FNDC3B: variants seen among roughly 807,000 people sequenced by gnomAD.
FNDC3B encodes fibronectin type III domain containing 3B, also known as fibronectin type III domain-containing protein 3B.
A neutral mutation model predicts 151.5 loss-of-function variants in FNDC3B; 12 were observed. That is an observed-to-expected ratio of 0.08 (90% CI 0.05 to 0.13). The LOEUF (loss-of-function observed/expected upper bound fraction) is 0.13, where lower values mean the gene tolerates loss of function less well. FNDC3B is among the 10% of genes least tolerant of loss of function. The pLI is 1.00. For missense variants in FNDC3B, 1,214 were observed against 1,505.3 expected, an observed-to-expected ratio of 0.81 and a Z score of 3.20; for synonymous variants, 528 against 549.0, an observed-to-expected ratio of 0.96 and a Z score of 0.54.
rs181970012 is a variant in FNDC3B, at chr3:172,272,033, G to A, written c.791-13893G>A. On this transcript the variant is annotated intron_variant, in intron 6 of 25. Transcript: ENST00000415807. ...TACTGTTACTAGGGTCTAGATCACC[G>A]TTGGGCTTAAGCAGAGATGGGTAAT... Among the ~76,000 whole-genome samples, 139 of 152,316 alleles carry A rather than the reference G, an allele frequency of 9.1e-4. 1 individual carries two copies. Among genetic ancestry groups the A allele is most frequent in the Admixed American group, 1.8e-3 (27 of 15,302 alleles).
intron 25 of FNDC3B, among the ~76,000 whole-genome samples, chr3:172,388,444 A>G (rs1283272899): frequency 6.6e-6 from 1 of 152,214 alleles, no homozygotes; most frequent in Non-Finnish European, 1.5e-5. Context: ...TTATTACAAT[A>G]TTATGATTGG....
At chr3:172,133,335 C>T (rs2108573346) in intron 2 of FNDC3B, 136 bp from the exon 3 acceptor site, 2 of 673,222 alleles carry the variant, frequency 3.0e-6, no homozygotes, top group East Asian at 5.5e-5. Context: ...CCAATTAAGA[C>T]TTATACTCCA....
chr3:172,179,272 G>T (rs1039580932), intron 3 of FNDC3B, among the ~76,000 whole-genome samples: 11 of 152,034 alleles, frequency 7.2e-5, no homozygotes, highest in Non-Finnish European at 1.5e-5. Flanking sequence ...ATGTTGGCCA[G>T]GCTGGTCTCG....
chr3:172,045,359 G>T (rs1308032053), intron 1 of FNDC3B, among the ~76,000 whole-genome samples: 1 of 152,192 alleles, frequency 6.6e-6, no homozygotes, highest in Non-Finnish European at 1.5e-5. Flanking sequence ...AAGCTGGTCT[G>T]TAGCTGGGCT....
At chr3:172,389,141 A>G (rs1419784285) in intron 25 of FNDC3B, among the ~76,000 whole-genome samples, 1 of 152,222 alleles carries the variant, frequency 6.6e-6, no homozygotes, top group Admixed American at 6.5e-5. Context: ...CCATCAGTTT[A>G]TAGTTAATAA....
rs899685419 is a variant in FNDC3B at position 172,163,768 on chromosome 3, A to G, written c.187+30222A>G. Among the ~76,000 whole-genome samples the G allele has an allele frequency of 6.6e-5, 10 of 152,192 alleles. No homozygotes were observed. In the East Asian group the frequency reaches 1.7e-3, roughly 26 times the overall value. Reference sequence around the variant, plus strand: ...TATTATGAGCAGGGCTGCTATGAATATTCTTGTGGATATTTCAGGTCTGTA... The same window carrying G: ...TATTATGAGCAGGGCTGCTATGAATGTTCTTGTGGATATTTCAGGTCTGTA... On this transcript the variant is annotated intron_variant, in intron 3 of 25. Transcript: ENST00000415807.
chr3:172,250,504 A>G (rs9850203), intron 5 of FNDC3B, among the ~76,000 whole-genome samples: 3 of 152,354 alleles, frequency 2.0e-5, no homozygotes, highest in South Asian at 2.1e-4. Context: ...TAGAAATACT[A>G]TTCTGTCTAC....
At chr3:172,386,992 T>A (rs1367117982) in intron 25 of FNDC3B, among the ~76,000 whole-genome samples, 1 of 152,144 alleles carries the variant, frequency 6.6e-6, no homozygotes, top group African/African-American at 2.4e-5. Flanking sequence ...AGTCTCGCTC[T>A]GTCGCCCAGG....
At chr3:172,061,294 G>A (rs1370690864) in intron 1 of FNDC3B, among the ~76,000 whole-genome samples, 2 of 149,672 alleles carry the variant, frequency 1.3e-5, no homozygotes, top group African/African-American at 4.9e-5. Flanking sequence ...GTGCAGTGGC[G>A]TGATCTCGGT....
At chr3:172,147,275 C>T (rs1007792822) in intron 3 of FNDC3B, among the ~76,000 whole-genome samples, 10 of 147,976 alleles carry the variant, frequency 6.8e-5, no homozygotes, top group African/African-American at 2.3e-4. Flanking sequence ...ACATTGTACT[C>T]GAGCCTGGCG....
chr3:172,183,249 G>A (rs887918621), intron 3 of FNDC3B, among the ~76,000 whole-genome samples: 5 of 152,128 alleles, frequency 3.3e-5, no homozygotes, highest in Non-Finnish European at 5.9e-5. Context: ...ATAATTTCCA[G>A]TAAAGTAGGA....
intron 1 of FNDC3B, among the ~76,000 whole-genome samples, chr3:172,080,536 C>A (rs1324750637): frequency 6.6e-6 from 1 of 151,966 alleles, no homozygotes; most frequent in African/African-American, 2.4e-5. Context: ...CCTCAGCCTC[C>A]CAAAGTGTTG....
At position 172,398,357 on chromosome 3, in the gene FNDC3B, A is replaced by G. The variant is rs1576979188; in HGVS notation, c.*882A>G. 1 of 152,664 alleles carries G rather than the reference A, an allele frequency of 6.6e-6. No individual in the cohort carries two copies. The highest frequency in any genetic ancestry group is 1.9e-4 in the East Asian group (1 of 5,206). 9.5% of individuals were successfully genotyped at this position (152,664 alleles called of 1,614,324 possible). ...GAATTATATGACAAGAACTGGTGAC[A>G]GTTTAGTGCCTCTGCCCATTGTCCA... On this transcript the variant is annotated 3_prime_UTR_variant, in exon 26 of 26. Transcript: ENST00000415807.
intron 3 of FNDC3B, among the ~76,000 whole-genome samples, chr3:172,198,159 TG>T (rs1179431496): frequency 6.6e-6 from 1 of 152,214 alleles, no homozygotes; most frequent in African/African-American, 2.4e-5. Context: ...TTCAAAGAGA[TG>T]TTTCATATTC....
At position 172,110,955 on chromosome 3, in the gene FNDC3B, C is replaced by T. The variant is rs185087506; in HGVS notation, c.-28-1497C>T. 6.7e-4 allele frequency among the ~76,000 whole-genome samples: 102 copies of T among 151,968 alleles called. No individual in the cohort carries two copies. The East Asian group carries it at 0.017, about 25-fold the overall frequency. ...CTCTACTAAAAATATGAAAATTAGG[C>T]GGGCATAGTGGTGCGTGCCTGTAAT... is the stretch of plus-strand genomic sequence containing the variant. On this transcript the variant is annotated intron_variant, in intron 1 of 25. Transcript: ENST00000415807.
chr3:172,096,360 G>C (rs540415977), intron 1 of FNDC3B, among the ~76,000 whole-genome samples: 1 of 152,178 alleles, frequency 6.6e-6, no homozygotes, highest in African/African-American at 2.4e-5. Context: ...TCTTCATAAT[G>C]GATTTAAATA....
At chr3:172,360,456 T>A (rs1397062445) in intron 22 of FNDC3B, among the ~76,000 whole-genome samples, 3 of 152,234 alleles carry the variant, frequency 2.0e-5, no homozygotes, top group African/African-American at 7.2e-5. Flanking sequence ...TCCAGTTTTT[T>A]ATTTTTTTCT....
chr3:172,061,319 G>A (rs1717187447), intron 1 of FNDC3B, among the ~76,000 whole-genome samples: 3 of 149,512 alleles, frequency 2.0e-5, no homozygotes, highest in Non-Finnish European at 3.0e-5. Context: ...TGCAAGCTCC[G>A]CCTCCCGGGT....
At chr3:172,308,775 TAAC>T (rs1731316732) in intron 10 of FNDC3B, among the ~76,000 whole-genome samples, 1 of 152,226 alleles carries the variant, frequency 6.6e-6, no homozygotes, top group Non-Finnish European at 1.5e-5. Context: ...TTCAGAGTTT[TAAC>T]ACCCAACTGG....
Sources: allele counts gnomAD v4.1 joint callset (sites outside exome capture counted in the v4.1 genomes callset), GRCh38; gene constraint gnomAD v4.1.1; transcripts MANE v1.5; gene names NCBI Gene and HGNC (gene_info 2026-07-23, HGNC 2026-07-21).